Variants in GRIP1 observed in about 807,000 individuals in gnomAD.
GRIP1 encodes glutamate receptor interacting protein 1.
GRIP1 carries 45 observed loss-of-function variants against 129.9 expected under a neutral mutation model. The ratio of observed to expected loss-of-function variants is 0.35; its 90% confidence interval spans 0.27 to 0.44. The LOEUF is 0.44. Ranked by LOEUF, GRIP1 falls within the 20% of genes least tolerant of loss-of-function variation. The pLI, the probability that GRIP1 is intolerant of heterozygous loss-of-function variation, is 1.00. For synonymous variants in GRIP1, 530 were observed against 520.8 expected (o/e 1.02, Z -0.24); for missense variants, 1,196 against 1,396.8 (o/e 0.86, Z 2.29).
chr12:66,869,992 C>G (rs1417283504), intron 1 of GRIP1, among the ~76,000 whole-genome samples: 1 of 152,168 alleles, frequency 6.6e-6, no homozygotes, highest in Admixed American at 6.6e-5. Flanking sequence ...TTGGGGCTGT[C>G]TGGTGTGTTG....
chr12:66,447,227 T>G (rs577548063), intron 11 of GRIP1, among the ~76,000 whole-genome samples: 9 of 151,752 alleles, frequency 5.9e-5, no homozygotes, highest in Non-Finnish European at 1.3e-4. Context: ...ATTTTAATAA[T>G]GCATCTCCTA....
intron 1 of GRIP1, among the ~76,000 whole-genome samples, chr12:66,613,296 TG>T (rs1398377321): frequency 6.6e-6 from 1 of 152,146 alleles, no homozygotes; most frequent in Admixed American, 6.5e-5. Flanking sequence ...GGGGAAGATT[TG>T]CTCACCTGAT....
intron 1 of GRIP1, among the ~76,000 whole-genome samples, chr12:66,853,994 T>C (rs554143682): frequency 4.6e-5 from 7 of 152,162 alleles, no homozygotes; most frequent in African/African-American, 1.7e-4. Flanking sequence ...TAATGAATCT[T>C]TTCACTCTCT....
At chr12:67,023,983 T>C (rs1306868597) in intron 1 of GRIP1, among the ~76,000 whole-genome samples, 1 of 152,132 alleles carries the variant, frequency 6.6e-6, no homozygotes, top group African/African-American at 2.4e-5. Flanking sequence ...AGCTCCCCCG[T>C]TTTCTTGCCA....
chr12:66,961,243 G>T (rs1004146417), intron 1 of GRIP1, among the ~76,000 whole-genome samples: 6 of 152,028 alleles, frequency 3.9e-5, no homozygotes, highest in Middle Eastern at 3.2e-3. Context: ...AAAACAGGGA[G>T]GAACACCAGG....
intron 1 of GRIP1, among the ~76,000 whole-genome samples, chr12:66,713,012 C>A (rs1434368513): frequency 6.6e-6 from 1 of 151,900 alleles, no homozygotes; most frequent in Non-Finnish European, 1.5e-5. Context: ...ATGACATACT[C>A]AAAAAATTGA....
chr12:66,484,547 A>T (rs1281580312), intron 7 of GRIP1, among the ~76,000 whole-genome samples: 46 of 152,214 alleles, frequency 3.0e-4, no homozygotes, highest in Non-Finnish European at 1.2e-4. Flanking sequence ...GGTCTGGATG[A>T]CACTATGTTA....
intron 1 of GRIP1, among the ~76,000 whole-genome samples, chr12:66,909,439 T>C (rs1342968787): frequency 6.6e-6 from 1 of 152,214 alleles, no homozygotes; most frequent in Non-Finnish European, 1.5e-5. Flanking sequence ...TTTTGAAAAA[T>C]CATTGCATAT....
intron 2 of GRIP1, among the ~76,000 whole-genome samples, chr12:66,578,232 GTTTT>G (rs547352236): frequency 5.9e-5 from 6 of 102,514 alleles, no homozygotes; most frequent in East Asian, 3.3e-4. Flanking sequence ...CAAAACCGCG[GTTTT>G]TTTTTTTTTT....
At chr12:66,900,545 A>G (rs2040828269) in intron 1 of GRIP1, among the ~76,000 whole-genome samples, 1 of 152,184 alleles carries the variant, frequency 6.6e-6, no homozygotes, top group South Asian at 2.1e-4. Flanking sequence ...ACTAAAACAG[A>G]CACATACACT....
At chr12:66,766,429 G>A (rs767361875) in intron 1 of GRIP1, among the ~76,000 whole-genome samples, 5 of 152,146 alleles carry the variant, frequency 3.3e-5, no homozygotes, top group African/African-American at 4.8e-5. Flanking sequence ...GCCAGCACAC[G>A]GCACACACAC....
intron 1 of GRIP1, among the ~76,000 whole-genome samples, chr12:67,025,137 G>C (rs551788557): frequency 6.6e-6 from 1 of 152,162 alleles, no homozygotes; most frequent in Admixed American, 6.5e-5. Context: ...TCAGGAGTTA[G>C]AGACCAGCCT....
At chr12:67,038,208 G>A (rs1389664140) in intron 1 of GRIP1, among the ~76,000 whole-genome samples, 2 of 152,184 alleles carry the variant, frequency 1.3e-5, no homozygotes, top group Admixed American at 6.5e-5. Flanking sequence ...ATGGAGAAAG[G>A]GAAGAAATTG....
intron 1 of GRIP1, among the ~76,000 whole-genome samples, chr12:66,615,731 G>A (rs1225397392): frequency 9.9e-5 from 15 of 152,038 alleles, no homozygotes; most frequent in Admixed American, 6.6e-4. Context: ...TGCAACTTTC[G>A]CCTCCTGGGT....
At chr12:66,423,992 T>C (rs2057897700) in intron 14 of GRIP1, among the ~76,000 whole-genome samples, 1 of 152,190 alleles carries the variant, frequency 6.6e-6, no homozygotes, top group Admixed American at 6.5e-5. Context: ...TGATATATAT[T>C]AGTACTGCCT....
chr12:66,912,243 T>A (rs1235745667), intron 1 of GRIP1, among the ~76,000 whole-genome samples: 1 of 152,172 alleles, frequency 6.6e-6, no homozygotes, highest in Non-Finnish European at 1.5e-5. Context: ...CAGTGTGAAA[T>A]CTAACACACA....
intron 1 of GRIP1, among the ~76,000 whole-genome samples, chr12:66,982,313 T>C (rs1052630780): frequency 1.3e-5 from 2 of 152,288 alleles, no homozygotes; most frequent in Admixed American, 1.3e-4. Flanking sequence ...CCTAGACTCC[T>C]GTGGTAGGCA....
intron 7 of GRIP1, among the ~76,000 whole-genome samples, chr12:66,505,555 G>A (rs1026360673): frequency 1.3e-5 from 2 of 152,132 alleles, no homozygotes; most frequent in Non-Finnish European, 2.9e-5. Context: ...ACCCTTTGTG[G>A]CATTTTGCTA....
intron 6 of GRIP1, among the ~76,000 whole-genome samples, chr12:66,517,145 T>G (rs1451371773): frequency 6.6e-6 from 1 of 152,124 alleles, no homozygotes; most frequent in Non-Finnish European, 1.5e-5. Flanking sequence ...TCAGTGCATT[T>G]TCCTCCTCCC....
Sources: gnomAD v4.1 joint callset for allele counts (sites outside exome capture counted in the v4.1 genomes callset) on GRCh38, gnomAD v4.1.1 for gene constraint, MANE v1.5 for transcripts, NCBI Gene and HGNC (gene_info 2026-07-23, HGNC 2026-07-21) for gene names.